PDLIM5: variants seen among roughly 807,000 people sequenced by gnomAD.
PDLIM5 encodes the protein PDZ and LIM domain protein 5.
PDLIM5 carries 34 observed loss-of-function variants against 64.2 expected under a neutral mutation model. That is an observed-to-expected ratio of 0.53 (90% CI 0.40 to 0.71). The LOEUF (loss-of-function observed/expected upper bound fraction) is 0.71, where lower values mean the gene tolerates loss of function less well. Ranked by LOEUF, PDLIM5 falls within the 30% of genes least tolerant of loss-of-function variation. The pLI is 0.00. For missense variants in PDLIM5, 683 were observed against 733.6 expected (o/e 0.93, Z 0.80); for synonymous variants, 253 against 269.1 (o/e 0.94, Z 0.59).
intron 3 of PDLIM5, among the ~76,000 whole-genome samples, chr4:94,571,621 T>G (rs1734808405): frequency 6.6e-6 from 1 of 152,222 alleles, no homozygotes; most frequent in Non-Finnish European, 1.5e-5. Context: ...TGCCAGGATT[T>G]GAAGAGAAAA....
rs965323898 is a variant in PDLIM5 at position 94,557,918 on chromosome 4, C to A, written c.249-15433C>A. 1.6e-4 allele frequency among the ~76,000 whole-genome samples: 25 copies of A among 152,258 alleles called. 1 individual carries two copies. The highest frequency in any genetic ancestry group is 5.8e-4 in the African/African-American group (24 of 41,546). On this transcript the variant is annotated intron_variant, in intron 3 of 12. Transcript: ENST00000317968. The stretch of plus-strand genomic sequence containing the variant: ...TTTATTTCTTTCTCCTGCCTGATTG[C>A]CCTGGCCAGAACTTCCAACACTATG...
rs1736235271 is a variant in PDLIM5 at position 94,586,688 on chromosome 4, A to C, written c.920+244A>C. On this transcript the variant is annotated intron_variant, in intron 7 of 12. Transcript: ENST00000317968. ...TGAAATAAGAAGTGGGCAGAAGGGT[A>C]TATTTCGGGGTGCTTTGCTAACAAT... Among the ~76,000 whole-genome samples, 3 of 152,162 alleles carry C rather than the reference A, an allele frequency of 2.0e-5. No homozygotes were observed. In the South Asian group the frequency reaches 6.2e-4, roughly 31 times the overall value.
chr4:94,651,806 A>G (rs1225552593), intron 9 of PDLIM5, among the ~76,000 whole-genome samples: 1 of 152,218 alleles, frequency 6.6e-6, no homozygotes, highest in Non-Finnish European at 1.5e-5. Context: ...GATGAGATCT[A>G]ACAACACTCC....
Position 94,500,695 on chromosome 4 carries a change from A to C in PDLIM5, c.97-23029A>C, listed in dbSNP as rs1190278141. Among the ~76,000 whole-genome samples the C allele has an allele frequency of 2.6e-5, 4 of 152,194 alleles. No individual in the cohort carries two copies. In the East Asian group the frequency reaches 7.7e-4, roughly 29 times the overall value. ...GAAGACTTTTTAAAAAGTTGCTGAT[A>C]ATCGTGTCTGCTCCTTCCTGGTAAT... is the stretch of plus-strand genomic sequence containing the variant. On this transcript the variant is annotated intron_variant, in intron 2 of 12. Transcript: ENST00000317968.
chr4:94,557,991 C>T (rs1231788012), intron 3 of PDLIM5, among the ~76,000 whole-genome samples: 3 of 152,130 alleles, frequency 2.0e-5, no homozygotes, highest in Non-Finnish European at 2.9e-5. Context: ...TGCCAGTTTT[C>T]AAAGGGAATG....
chr4:94,465,943 T>A (rs1037060332), intron 2 of PDLIM5, among the ~76,000 whole-genome samples: 4 of 152,038 alleles, frequency 2.6e-5, no homozygotes, highest in Non-Finnish European at 5.9e-5. Context: ...TGTATGTGTG[T>A]GTGTGTCTGT....
At chr4:94,540,234 G>T (rs1578336184) in intron 3 of PDLIM5, among the ~76,000 whole-genome samples, 1 of 151,204 alleles carries the variant, frequency 6.6e-6, no homozygotes, top group East Asian at 1.9e-4. Flanking sequence ...GGGTTCACAC[G>T]CCATTCTCCT....
intron 9 of PDLIM5, among the ~76,000 whole-genome samples, chr4:94,649,497 TCAG>T (rs1031523479): frequency 1.3e-4 from 20 of 152,202 alleles, no homozygotes; most frequent in African/African-American, 4.6e-4. Flanking sequence ...ATTTTTCTTG[TCAG>T]CCTTTAATAT....
At chr4:94,600,280 C>T (rs1486558540) in intron 7 of PDLIM5, among the ~76,000 whole-genome samples, 8 of 152,142 alleles carry the variant, frequency 5.3e-5, no homozygotes, top group African/African-American at 1.4e-4. Flanking sequence ...TGAATGGGTG[C>T]GTTTGGGACA....
chr4:94,564,937 T>C (rs1734184904), intron 3 of PDLIM5, among the ~76,000 whole-genome samples: 1 of 152,024 alleles, frequency 6.6e-6, no homozygotes, highest in Non-Finnish European at 1.5e-5. Context: ...ATTACAGGCA[T>C]GAGCCGCCAC....
intron 3 of PDLIM5, among the ~76,000 whole-genome samples, chr4:94,548,479 A>C (rs758302550): frequency 1.1e-4 from 16 of 152,186 alleles, no homozygotes; most frequent in Non-Finnish European, 2.9e-5. Flanking sequence ...TACAACAGGA[A>C]ATTGGAGAGA....
At chr4:94,523,269 A>G (rs570934691) in intron 2 of PDLIM5, among the ~76,000 whole-genome samples, 1 of 152,204 alleles carries the variant, frequency 6.6e-6, no homozygotes, top group Non-Finnish European at 1.5e-5. Context: ...TGTTTAGCAG[A>G]TCTTCCCTCT....
chr4:94,527,361 A>G (rs1460504921), intron 3 of PDLIM5, among the ~76,000 whole-genome samples: 2 of 152,024 alleles, frequency 1.3e-5, no homozygotes, highest in Non-Finnish European at 2.9e-5. Context: ...GGCCCTGAAC[A>G]GCATTCTTAA....
At chr4:94,457,744 A>G (rs1175175874) in intron 2 of PDLIM5, among the ~76,000 whole-genome samples, 1 of 152,230 alleles carries the variant, frequency 6.6e-6, no homozygotes, top group Non-Finnish European at 1.5e-5. Context: ...CCATGTTGTG[A>G]TGCTGATACA....
chr4:94,615,153 T>C (rs542946651), intron 7 of PDLIM5, among the ~76,000 whole-genome samples: 1 of 152,218 alleles, frequency 6.6e-6, no homozygotes, highest in Admixed American at 6.5e-5. Flanking sequence ...TATACCATTT[T>C]ACAGGTGAGG....
At chr4:94,598,284 A>G (rs937441709) in intron 7 of PDLIM5, among the ~76,000 whole-genome samples, 4 of 152,144 alleles carry the variant, frequency 2.6e-5, no homozygotes, top group Admixed American at 6.5e-5. Context: ...GTCATGTCGT[A>G]TGGCTCCTAA....
chr4:94,601,647 A>C (rs1454222997), intron 7 of PDLIM5, among the ~76,000 whole-genome samples: 1 of 152,196 alleles, frequency 6.6e-6, no homozygotes, highest in East Asian at 1.9e-4. Context: ...TCTAAGATCC[A>C]GTCCTCCTTG....
chr4:94,486,640 A>G (rs999961048), intron 2 of PDLIM5, among the ~76,000 whole-genome samples: 5 of 151,978 alleles, frequency 3.3e-5, no homozygotes, highest in Admixed American at 6.6e-5. Flanking sequence ...TTCCCTTTTG[A>G]TTTCCTTCTT....
intron 2 of PDLIM5, among the ~76,000 whole-genome samples, chr4:94,475,648 A>G (rs952558925): frequency 1.3e-5 from 2 of 152,192 alleles, no homozygotes; most frequent in Admixed American, 6.5e-5. Flanking sequence ...TAATGAGTAT[A>G]GTTTCAGTTT....
Sources: gnomAD v4.1 joint callset for allele counts (sites outside exome capture counted in the v4.1 genomes callset) on GRCh38, gnomAD v4.1.1 for gene constraint, MANE v1.5 for transcripts, NCBI Gene and HGNC (gene_info 2026-07-23, HGNC 2026-07-21) for gene names.